IPPK: variants seen among roughly 807,000 people sequenced by gnomAD.
IPPK encodes inositol-pentakisphosphate 2-kinase.
Under a neutral mutation model 64.6 loss-of-function variants are expected in IPPK, and 22 were observed. The observed-to-expected ratio is 0.34, with a 90% CI of 0.24 to 0.49. IPPK has a LOEUF of 0.49. Ranked by LOEUF, IPPK falls within the 20% of genes least tolerant of loss-of-function variation. The probability of loss-of-function intolerance (pLI) is 0.99; values close to 1 mark genes in which losing one functional copy is unlikely to be tolerated. For synonymous variants in IPPK, 262 were observed against 247.2 expected, an observed-to-expected ratio of 1.06 and a Z score of -0.56; for missense variants, 532 against 630.7, an observed-to-expected ratio of 0.84 and a Z score of 1.68.
At position 92,619,503 on chromosome 9, in the gene IPPK, G is replaced by A. The variant is rs755823995; in HGVS notation, c.1233C>T (p.Pro411=). The A allele has an allele frequency of 2.5e-5, 40 of 1,591,544 alleles. No individual in the cohort carries two copies. Among genetic ancestry groups the A allele is most frequent in the Non-Finnish European group, 3.3e-5 (39 of 1,169,468 alleles). Residue 411 remains proline (P), a synonymous_variant, in exon 12 of 13, where the codon CCC becomes CCT. Transcript: ENST00000287996. The part of the protein sequence containing the change: ...KDCSIMIALS[P]CLQDASSDQR... Reference sequence around the variant, plus strand: ...GGCCTCACCTGGCATCCTGCAGACAGGGAGACAGTGCAATCATGATGGAGC... The same window carrying A: ...GGCCTCACCTGGCATCCTGCAGACAAGGAGACAGTGCAATCATGATGGAGC...
At chr9:92,662,298 C>T (rs375460411) in intron 1 of IPPK, among the ~76,000 whole-genome samples, 3 of 152,150 alleles carry the variant, frequency 2.0e-5, no homozygotes, top group South Asian at 4.2e-4. Context: ...GGCCCAGGCG[C>T]GCAGATCAGC....
intron 9 of IPPK, among the ~76,000 whole-genome samples, chr9:92,636,744 T>G (rs756397150): frequency 1.3e-5 from 2 of 152,144 alleles, no homozygotes; most frequent in African/African-American, 4.8e-5. Flanking sequence ...ATGTAGAGTA[T>G]GATCTTATTG....
intron 4 of IPPK, among the ~76,000 whole-genome samples, chr9:92,652,315 G>T (rs899521791): frequency 1.3e-5 from 2 of 152,028 alleles, no homozygotes; most frequent in African/African-American, 2.4e-5. Flanking sequence ...CGAGCATGGT[G>T]GTAGGCGCCT....
intron 11 of IPPK, among the ~76,000 whole-genome samples, chr9:92,624,351 A>G (rs1851696984): frequency 6.6e-6 from 1 of 152,038 alleles, no homozygotes; most frequent in African/African-American, 2.4e-5. Context: ...CTGTAATCCT[A>G]GCTACTCAGG....
intron 7 of IPPK, among the ~76,000 whole-genome samples, chr9:92,642,261 A>T (rs1327626067): frequency 6.6e-6 from 1 of 152,282 alleles, no homozygotes; most frequent in African/African-American, 2.4e-5. Context: ...CAGGATGCAC[A>T]GCAAAGCTCT....
At chr9:92,648,865 C>A (rs72756426) in intron 5 of IPPK, among the ~76,000 whole-genome samples, 6,040 of 152,308 alleles carry the variant, frequency 0.04, 185 homozygotes, top group South Asian at 0.11. Context: ...GGGCCCTGGC[C>A]CATCCAGCCC....
At chr9:92,637,266 A>G (rs1377681166) in intron 9 of IPPK, among the ~76,000 whole-genome samples, 1 of 152,234 alleles carries the variant, frequency 6.6e-6, no homozygotes, top group Non-Finnish European at 1.5e-5. Context: ...AGATCACACA[A>G]CTGCACTCTG....
At chr9:92,640,356 G>A (rs1852022490) in intron 8 of IPPK, among the ~76,000 whole-genome samples, 1 of 123,496 alleles carries the variant, frequency 8.1e-6, no homozygotes, top group Admixed American at 1.0e-4. Context: ...GGTCACACCA[G>A]CCCAGATAGT....
Position 92,615,523 on chromosome 9 carries a change from T to TA in IPPK, c.*308dup. On this transcript the variant is annotated 3_prime_UTR_variant, in exon 13 of 13. Coordinates refer to ENST00000287996, the MANE Select transcript of IPPK (RefSeq NM_022755.6). ...GGTCTTAGAATAAGGCTTTTCGCAT[T>TA]AGAGAATCAGACATGAGCCCTGGTT... is the stretch of plus-strand genomic sequence containing the variant. 1 of 305,420 alleles carries TA rather than the reference T, an allele frequency of 3.3e-6. No individual in the cohort carries two copies. The allele number at this position is 305,420 out of a possible 1,614,324, so 18.9% of individuals were successfully genotyped here. A position where few individuals can be genotyped will look rare whatever the true frequency, so the allele number is the denominator to read the frequency against.
chr9:92,615,618 G>T lies in IPPK; in HGVS notation c.*214C>A. 1.9e-6 allele frequency: 1 copy of T among 539,444 alleles called. No individual in the cohort carries two copies. Among genetic ancestry groups the T allele is most frequent in the Non-Finnish European group, 3.3e-6 (1 of 300,104 alleles). The allele number at this position is 539,444 out of a possible 1,614,324, so 33.4% of individuals were successfully genotyped here. A position where few individuals can be genotyped will look rare whatever the true frequency, so the allele number is the denominator to read the frequency against. On this transcript the variant is annotated 3_prime_UTR_variant, in exon 13 of 13. Coordinates refer to ENST00000287996, the MANE Select transcript of IPPK (RefSeq NM_022755.6). ...CACTTCCATTTTAAGAGTGTGAGCAGCTTCCTGGGACACAGCACTCACTTC... is the reference window on the plus strand; with the variant it reads ...CACTTCCATTTTAAGAGTGTGAGCATCTTCCTGGGACACAGCACTCACTTC...
intron 3 of IPPK, among the ~76,000 whole-genome samples, chr9:92,656,140 G>A (rs938299716): frequency 6.6e-6 from 1 of 152,186 alleles, no homozygotes; most frequent in Non-Finnish European, 1.5e-5. Flanking sequence ...AAGGTGCCCA[G>A]GGGCAGAGAG....
At position 92,670,043 on chromosome 9, in the gene IPPK, G is replaced by A. The variant is rs1852697395; in HGVS notation, c.-55C>T. ...CTAGGACTCGGGGACGCGAGCTGGG[G>A]GCCGCCCGCCTCGCTGGGAACCAGC... On this transcript the variant is annotated 5_prime_UTR_variant, in exon 1 of 13. Transcript: ENST00000287996. 3 of 1,345,916 alleles carry A rather than the reference G, an allele frequency of 2.2e-6. No homozygotes were observed. The highest frequency in any genetic ancestry group is 3.1e-6 in the Non-Finnish European group (3 of 972,044). The allele number at this position is 1,345,916 out of a possible 1,614,324, so 83.4% of individuals were successfully genotyped here. A position where few individuals can be genotyped will look rare whatever the true frequency, so the allele number is the denominator to read the frequency against.
At chr9:92,660,992 G>A (rs1050007905) in intron 1 of IPPK, among the ~76,000 whole-genome samples, 2 of 152,196 alleles carry the variant, frequency 1.3e-5, no homozygotes, top group African/African-American at 4.8e-5. Context: ...TGAGGACTTA[G>A]TCCTCAGTCC....
intron 1 of IPPK, 92 bp downstream of exon 1, chr9:92,669,816 A>G: frequency 1.1e-6 from 1 of 939,786 alleles, no homozygotes; most frequent in Non-Finnish European, 1.7e-6. Context: ...GGGACGTGGA[A>G]CCGACCCTGT....
chr9:92,663,552 CTTCT>C (rs947817059), intron 1 of IPPK, among the ~76,000 whole-genome samples: 1 of 152,146 alleles, frequency 6.6e-6, no homozygotes, highest in Non-Finnish European at 1.5e-5. Context: ...CACTTCCTTC[CTTCT>C]GATATTCTAT....
rs1784012555 is a variant in IPPK at position 92,651,724 on chromosome 9, CGTTT to C, written c.292+845_292+848del. Among the ~76,000 whole-genome samples, 3 of 152,168 alleles carry C rather than the reference CGTTT, an allele frequency of 2.0e-5. No homozygotes were observed. The South Asian group carries it at 6.2e-4, about 32-fold the overall frequency. On this transcript the variant is annotated intron_variant, in intron 4 of 12. Transcript: ENST00000287996. ...TGGTATTAATTTGTTCTTTTTTGTT[CGTTT>C]GTTTGAGACGGAGTCTCACTCTGTC...
chr9:92,619,379 C>G, intron 12 of IPPK, 107 bp downstream of exon 12: 1 of 872,634 alleles, frequency 1.1e-6, no homozygotes, highest in Non-Finnish European at 1.9e-6. Flanking sequence ...GTCACTCCGC[C>G]ATGGAGTCTC....
At chr9:92,651,637 T>C (rs1175031076) in intron 4 of IPPK, among the ~76,000 whole-genome samples, 1 of 152,202 alleles carries the variant, frequency 6.6e-6, no homozygotes, top group Non-Finnish European at 1.5e-5. Context: ...CTGGGAACCC[T>C]TCCCGTTCCT....
At chr9:92,640,655 T>C (rs1852029162) in intron 8 of IPPK, 55 bp downstream of exon 8, 1 of 1,211,202 alleles carries the variant, frequency 8.3e-7, no homozygotes, top group Non-Finnish European at 1.2e-6. Flanking sequence ...GTGAGGTCAC[T>C]TGAACCTTTG....
Sources: allele counts gnomAD v4.1 joint callset (sites outside exome capture counted in the v4.1 genomes callset), GRCh38; gene constraint gnomAD v4.1.1; transcripts MANE v1.5; gene names NCBI Gene and HGNC (gene_info 2026-07-23, HGNC 2026-07-21).